TAF4B: variants seen among roughly 807,000 people sequenced by gnomAD.
TAF4B encodes transcription initiation factor TFIID subunit 4B.
A neutral mutation model predicts 86.4 loss-of-function variants in TAF4B; 38 were observed. That is an observed-to-expected ratio of 0.44 (90% CI 0.34 to 0.58). The LOEUF (loss-of-function observed/expected upper bound fraction) is 0.58. Ranked by LOEUF, TAF4B falls within the 20% of genes least tolerant of loss-of-function variation. The pLI, the probability that TAF4B is intolerant of heterozygous loss-of-function variation, is 0.02. For synonymous variants in TAF4B, 388 were observed against 391.2 expected (o/e 0.99, Z 0.10); for missense variants, 988 against 1,027.6 (o/e 0.96, Z 0.53).
chr18:26,341,278 A>G (rs914547738), intron 13 of TAF4B, among the ~76,000 whole-genome samples: 56 of 152,258 alleles, frequency 3.7e-4, no homozygotes, highest in Non-Finnish European at 1.9e-4. Context: ...GAGGCATAAA[A>G]GAAAAAACCA....
intron 5 of TAF4B, among the ~76,000 whole-genome samples, chr18:26,281,593 G>T (rs1488790771): frequency 1.3e-5 from 2 of 152,258 alleles, no homozygotes; most frequent in Admixed American, 1.3e-4. Flanking sequence ...TCGTTGTAGA[G>T]AACTTAAACC....
chr18:26,328,950 T>TA (rs1339554141), intron 12 of TAF4B, among the ~76,000 whole-genome samples: 2 of 151,854 alleles, frequency 1.3e-5, no homozygotes, highest in African/African-American at 4.8e-5. Context: ...TTTCTACACA[T>TA]ACAATCATTA....
At chr18:26,245,180 G>A (rs977562818) in intron 1 of TAF4B, among the ~76,000 whole-genome samples, 2 of 152,012 alleles carry the variant, frequency 1.3e-5, no homozygotes, top group South Asian at 4.2e-4. Context: ...AAATTCTAAG[G>A]AAAAATAGGA....
chr18:26,387,861 A>G (rs1332039674), intron 14 of TAF4B, among the ~76,000 whole-genome samples: 6 of 152,206 alleles, frequency 3.9e-5, no homozygotes, highest in Non-Finnish European at 7.3e-5. Context: ...TATCTCTTAA[A>G]GAAGTTTTAT....
intron 6 of TAF4B, among the ~76,000 whole-genome samples, chr18:26,285,222 G>GTTTTTGTTTTTTTTTT: frequency 3.9e-4 from 18 of 45,690 alleles, no homozygotes; most frequent in Non-Finnish European, 4.0e-4. Context: ...TTTTTTTTTT[G>GTTTTTGTTTTTTTTTT]TTTTTTTTTT....
chr18:26,304,862 G>C, intron 9 of TAF4B: 1 of 985,342 alleles, frequency 1.0e-6, no homozygotes, highest in Non-Finnish European at 1.2e-6. Context: ...AAGGAAAAAT[G>C]TCACTATAAG....
intron 11 of TAF4B, among the ~76,000 whole-genome samples, chr18:26,325,571 A>C (rs1392230848): frequency 2.0e-5 from 3 of 152,184 alleles, no homozygotes; most frequent in African/African-American, 7.2e-5. Flanking sequence ...AGAGAGAGGA[A>C]GGAATCTTAG....
At chr18:26,365,600 C>T (rs1567924354) in intron 14 of TAF4B, among the ~76,000 whole-genome samples, 1 of 151,996 alleles carries the variant, frequency 6.6e-6, no homozygotes, top group Non-Finnish European at 1.5e-5. Flanking sequence ...AGACAGAGTC[C>T]GTGGCTTTGT....
At chr18:26,320,085 CTT>C (rs1464655844) in intron 10 of TAF4B, among the ~76,000 whole-genome samples, 2 of 152,124 alleles carry the variant, frequency 1.3e-5, no homozygotes, top group Admixed American at 1.3e-4. Context: ...GAGTTATTGA[CTT>C]TTAATTCAAG....
intron 13 of TAF4B, among the ~76,000 whole-genome samples, chr18:26,337,327 TA>T (rs1272119634): frequency 6.6e-6 from 1 of 152,184 alleles, no homozygotes; most frequent in Admixed American, 6.5e-5. Context: ...TTGAGTGTTC[TA>T]AGGGGCTGTA....
Position 26,227,065 on chromosome 18 carries a change from C to G in TAF4B, c.132C>G (p.Ala44=), listed in dbSNP as rs945275966. ...AGAGCACTCCGGTGGCCCTGGGCGC[C>G]GTGACTAAGGCTCCTGTCAGCGTCT... The part of the protein sequence containing the change: ...RVESTPVALG[A]VTKAPVSVCV... Residue 44 remains alanine (A), a synonymous_variant, in exon 1 of 15, where the codon GCC becomes GCG. Transcript: ENST00000269142. The G allele has an allele frequency of 4.4e-6, 7 of 1,597,374 alleles. No individual in the cohort carries two copies. The Admixed American group carries it at 6.9e-5, about 16-fold the overall frequency.
At chr18:26,366,539 T>A (rs1312773781) in intron 14 of TAF4B, 1 of 152,254 alleles carries the variant, frequency 6.6e-6, no homozygotes, top group African/African-American at 2.4e-5. Context: ...ATGTCTGCCA[T>A]GCTTATAAGA....
rs1202484973 is a variant in TAF4B, at chr18:26,227,086, C to T, written c.153C>T (p.Ser51=). The change falls in exon 1 of 15, where the codon AGC becomes AGT. Residue 51 remains serine (S), a synonymous_variant. Coordinates refer to ENST00000269142, the MANE Select transcript of TAF4B (RefSeq NM_005640.3). The part of the protein sequence containing the change: ...ALGAVTKAPV[S]VCVEPTASQP... The stretch of plus-strand genomic sequence containing the variant: ...GCGCCGTGACTAAGGCTCCTGTCAG[C>T]GTCTGCGTGGAGCCCACGGCGTCCC... 6.2e-7 allele frequency: 1 copy of T among 1,608,952 alleles called. No individual in the cohort carries two copies. Among genetic ancestry groups the T allele is most frequent in the South Asian group, 1.1e-5 (1 of 90,782 alleles).
intron 1 of TAF4B, among the ~76,000 whole-genome samples, chr18:26,232,823 C>G (rs2055692713): frequency 6.6e-6 from 1 of 152,184 alleles, no homozygotes; most frequent in African/African-American, 2.4e-5. Flanking sequence ...TTCTTGCAAA[C>G]TGTCTGAGAA....
At chr18:26,259,287 C>T (rs988024788) in intron 1 of TAF4B, among the ~76,000 whole-genome samples, 1 of 140,982 alleles carries the variant, frequency 7.1e-6, no homozygotes, top group Non-Finnish European at 1.6e-5. Flanking sequence ...TATTTTTCTT[C>T]TTTTTTTTTT....
chr18:26,243,800 ACAGT>A (rs1242951751), intron 1 of TAF4B, among the ~76,000 whole-genome samples: 2 of 152,056 alleles, frequency 1.3e-5, no homozygotes, highest in Non-Finnish European at 2.9e-5. Context: ...TTTCCTTCTA[ACAGT>A]CAGGACCCTC....
Position 26,363,149 on chromosome 18 carries a change from A to C in TAF4B, c.2421+5355A>C, listed in dbSNP as rs1228998004. Among the ~76,000 whole-genome samples, 6 of 152,188 alleles carry C rather than the reference A, an allele frequency of 3.9e-5. No homozygotes were observed. In the East Asian group the frequency reaches 1.2e-3, roughly 29 times the overall value. On this transcript the variant is annotated intron_variant, in intron 14 of 14. Transcript: ENST00000269142. The stretch of plus-strand genomic sequence containing the variant: ...ACTATAATGTCAATTTGAATTGAAA[A>C]TATCTATTTCTTTAATCAGCTGGTG...
intron 11 of TAF4B, among the ~76,000 whole-genome samples, chr18:26,324,006 A>G (rs2056984063): frequency 6.6e-6 from 1 of 151,708 alleles, no homozygotes. Flanking sequence ...CTTATGTTTA[A>G]TTGTTTTTGT....
chr18:26,289,498 GTT>G (rs2056566751), intron 7 of TAF4B, among the ~76,000 whole-genome samples: 1 of 152,088 alleles, frequency 6.6e-6, no homozygotes, highest in African/African-American at 2.4e-5. Context: ...GTTTCGCTTT[GTT>G]TTTTAGACAG....
Sources: gnomAD v4.1 joint callset for allele counts (sites outside exome capture counted in the v4.1 genomes callset) on GRCh38, gnomAD v4.1.1 for gene constraint, MANE v1.5 for transcripts, NCBI Gene and HGNC (gene_info 2026-07-23, HGNC 2026-07-21) for gene names.